Variants in STK17A observed in about 807,000 individuals in gnomAD.
The protein encoded by STK17A is serine/threonine kinase 17a.
In STK17A, 26 loss-of-function variants were observed where a neutral mutation model predicts 43.7. The observed-to-expected ratio is 0.60, with a 90% confidence interval of 0.44 to 0.83. The LOEUF is 0.83. Ranked by LOEUF, STK17A falls within the 40% of genes least tolerant of loss-of-function variation. The pLI is 0.00. For missense variants in STK17A, 476 were observed against 511.6 expected, an observed-to-expected ratio of 0.93 and a Z score of 0.67; for synonymous variants, 191 against 182.5, an observed-to-expected ratio of 1.05 and a Z score of -0.38.
At position 43,624,948 on chromosome 7, in the gene STK17A, C is replaced by A. The variant is rs2084340641; in HGVS notation, c.*106C>A. ...TGTACTGGAAGTGGATAACCAGTATCACTTACACAAACAAAAATAACTTTG... is the reference window on the plus strand; with the variant it reads ...TGTACTGGAAGTGGATAACCAGTATAACTTACACAAACAAAAATAACTTTG... On this transcript the variant is annotated 3_prime_UTR_variant, in exon 7 of 7. Coordinates refer to ENST00000319357, the MANE Select transcript of STK17A (RefSeq NM_004760.3). 9.9e-7 allele frequency: 1 copy of A among 1,007,020 alleles called. No homozygotes were observed. Among genetic ancestry groups the A allele is most frequent in the Non-Finnish European group, 1.4e-6 (1 of 714,802 alleles). 62.4% of individuals were successfully genotyped at this position (1,007,020 alleles called of 1,614,324 possible).
chr7:43,592,053 CAATTA>C (rs1461085524), intron 1 of STK17A, among the ~76,000 whole-genome samples: 1 of 151,482 alleles, frequency 6.6e-6, no homozygotes, highest in Non-Finnish European at 1.5e-5. Flanking sequence ...TGTTTGCTGC[CAATTA>C]TATGTTGAGA....
At chr7:43,599,203 G>A (rs548666448) in intron 2 of STK17A, among the ~76,000 whole-genome samples, 26 of 152,306 alleles carry the variant, frequency 1.7e-4, no homozygotes, top group Non-Finnish European at 3.1e-4. Flanking sequence ...AAAATAATGC[G>A]AAGATGAAAT....
rs1253603813 is a variant in STK17A at position 43,595,961 on chromosome 7, A to G, written c.267A>G (p.Ala89=). 6.8e-6 allele frequency: 11 copies of G among 1,613,998 alleles called. No homozygotes were observed. Among genetic ancestry groups the G allele is most frequent in the Non-Finnish European group, 9.3e-6 (11 of 1,179,936 alleles). ...AAGATTCTGGGAAAGAATTTGCTGCAAAGTTCATGAGAAAAAGAAGAAAAG... is the reference window on the plus strand; with the variant it reads ...AAGATTCTGGGAAAGAATTTGCTGCGAAGTTCATGAGAAAAAGAAGAAAAG... ...IKKDSGKEFA[A]KFMRKRRKGQ... The change falls in exon 2 of 7, where the codon GCA becomes GCG. Residue 89 remains alanine, a synonymous_variant. Coordinates refer to ENST00000319357, the MANE Select transcript of STK17A (RefSeq NM_004760.3).
At chr7:43,618,034 A>G (rs1376271785) in intron 3 of STK17A, among the ~76,000 whole-genome samples, 4 of 152,222 alleles carry the variant, frequency 2.6e-5, no homozygotes, top group Non-Finnish European at 4.4e-5. Flanking sequence ...TGTGATTTGT[A>G]GTGGAATGAG....
intron 2 of STK17A, among the ~76,000 whole-genome samples, chr7:43,598,626 C>T (rs1024443764): frequency 6.6e-5 from 10 of 152,262 alleles, no homozygotes; most frequent in East Asian, 1.9e-4. Context: ...TCGAAAACCT[C>T]AGTGAGTCAT....
chr7:43,597,393 AT>A (rs536609300), intron 2 of STK17A, among the ~76,000 whole-genome samples: 76 of 146,372 alleles, frequency 5.2e-4, no homozygotes, highest in South Asian at 4.3e-4. Context: ...TGTTGTTATT[AT>A]TTTTTTTTTT....
At chr7:43,596,727 G>A (rs1221866248) in intron 2 of STK17A, among the ~76,000 whole-genome samples, 1 of 152,026 alleles carries the variant, frequency 6.6e-6, no homozygotes, top group East Asian at 1.9e-4. Context: ...AATTAGCCTG[G>A]CGTGGTGGCA....
In STK17A at chr7:43,624,656, T is replaced by C. The variant is rs769584993; in HGVS notation, c.1059T>C (p.Asn353=). 1 of 1,614,132 alleles carries C rather than the reference T, an allele frequency of 6.2e-7. No individual in the cohort carries two copies. The highest frequency in any genetic ancestry group is 1.7e-5 in the Admixed American group (1 of 60,022). The change falls in exon 7 of 7, where the codon AAT becomes AAC. Residue 353 remains asparagine (N), a synonymous_variant. Coordinates refer to ENST00000319357, the MANE Select transcript of STK17A (RefSeq NM_004760.3). The stretch of plus-strand genomic sequence containing the variant: ...AAGGTCATTCTGTGCCTGAAATTAA[T>C]TCGGATACCGACAAATCAGAAACCA... ...LQEGHSVPEI[N]SDTDKSETKE... is the part of the protein sequence containing the mutation.
At chr7:43,623,980 C>T in intron 6 of STK17A, 92 bp downstream of exon 6, 1 of 915,172 alleles carries the variant, frequency 1.1e-6, no homozygotes, top group Non-Finnish European at 1.5e-6. Flanking sequence ...TGAATCTCCT[C>T]CAACCAAAAA....
At chr7:43,614,222 T>C (rs542948031) in intron 3 of STK17A, among the ~76,000 whole-genome samples, 23 of 152,310 alleles carry the variant, frequency 1.5e-4, no homozygotes, top group African/African-American at 5.5e-4. Flanking sequence ...AAGATGAAGA[T>C]ACCGAGATAA....
At chr7:43,588,154 TA>T (rs1478147807) in intron 1 of STK17A, among the ~76,000 whole-genome samples, 3 of 151,586 alleles carry the variant, frequency 2.0e-5, no homozygotes, top group Admixed American at 6.6e-5. Flanking sequence ...CCTGTTCTGA[TA>T]TTTTTTTTAA....
chr7:43,619,666 A>G lies in STK17A; in HGVS notation c.634A>G (p.Arg212Gly). The G allele has an allele frequency of 6.2e-7, 1 of 1,614,128 alleles. No homozygotes were observed. The highest frequency in any genetic ancestry group is 8.5e-7 in the Non-Finnish European group (1 of 1,179,992). The change falls in exon 4 of 7, where the codon AGA becomes GGA. Residue 212 changes from arginine to glycine, a missense_variant. Physicochemically the swap from Arg to Gly is moderately radical, Grantham distance 125. This residue lies in a region of STK17A where 320 missense variants were observed against 326.3 expected (regional missense o/e 0.98). Coordinates refer to ENST00000319357, the MANE Select transcript of STK17A (RefSeq NM_004760.3). ...DIKIVDFGLS[R>G]ILKNSEELRE... ...TAAGATTGTTGATTTTGGCCTTTCA[A>G]GAATATTGAAGAACAGTGAAGAGCT...
intron 1 of STK17A, among the ~76,000 whole-genome samples, chr7:43,593,831 T>A (rs779111627): frequency 6.6e-6 from 1 of 152,192 alleles, no homozygotes; most frequent in Non-Finnish European, 1.5e-5. Flanking sequence ...TTTATGCTGT[T>A]GATTATTCCA....
rs1292707660 is a variant in STK17A at position 43,623,746 on chromosome 7, A to G, written c.778A>G (p.Ile260Val). ...GVLTYVMLTG[I>V]SPFLGNDKQE... ...GTTAACATATGTCATGCTTACAGGA[A>G]TATCACCTTTCTTAGGCAATGATAA... Residue 260 changes from isoleucine to valine, a missense_variant, in exon 6 of 7, where the codon ATA becomes GTA. This residue lies in a region of STK17A where 46 missense variants were observed against 81.6 expected (regional missense o/e 0.56). Transcript: ENST00000319357. 6.2e-7 allele frequency: 1 copy of G among 1,606,834 alleles called. No homozygotes were observed. Among genetic ancestry groups the G allele is most frequent in the Non-Finnish European group, 8.5e-7 (1 of 1,177,634 alleles).
intron 3 of STK17A, among the ~76,000 whole-genome samples, chr7:43,609,912 T>C (rs1011434179): frequency 5.3e-5 from 8 of 152,240 alleles, no homozygotes; most frequent in Non-Finnish European, 1.0e-4. Flanking sequence ...TTAATGGCAG[T>C]GTTCTCTGAC....
rs1259219824 is a variant in STK17A at position 43,627,170 on chromosome 7, A to C, written c.*2328A>C. Among the ~76,000 whole-genome samples, 2 of 152,238 alleles carry C rather than the reference A, an allele frequency of 1.3e-5. No individual in the cohort carries two copies. Among genetic ancestry groups the C allele is most frequent in the African/African-American group, 4.8e-5 (2 of 41,452 alleles). Reference sequence around the variant, plus strand: ...TGGTGTGGTGAAACGTTGTTTATGAAATGTATAAAATGTATAAGTTTTAAT... The same window carrying C: ...TGGTGTGGTGAAACGTTGTTTATGACATGTATAAAATGTATAAGTTTTAAT... On this transcript the variant is annotated 3_prime_UTR_variant, in exon 7 of 7. Transcript: ENST00000319357.
At chr7:43,621,132 GTT>G (rs1222985393) in intron 4 of STK17A, among the ~76,000 whole-genome samples, 1 of 152,168 alleles carries the variant, frequency 6.6e-6, no homozygotes, top group Non-Finnish European at 1.5e-5. Flanking sequence ...GGCAATGATA[GTT>G]CAAAAAATAA....
intron 3 of STK17A, among the ~76,000 whole-genome samples, chr7:43,609,930 T>C (rs1313860821): frequency 6.6e-6 from 1 of 152,232 alleles, no homozygotes; most frequent in Non-Finnish European, 1.5e-5. Flanking sequence ...GACCCAGACA[T>C]GAATCAGAAT....
Position 43,625,170 on chromosome 7 carries a change from A to C in STK17A, c.*328A>C. 4.9e-6 allele frequency: 1 copy of C among 202,938 alleles called. No homozygotes were observed. Among genetic ancestry groups the C allele is most frequent in the Non-Finnish European group, 1.0e-5 (1 of 100,070 alleles). The allele number at this position is 202,938 out of a possible 1,614,324, so 12.6% of individuals were successfully genotyped here. On this transcript the variant is annotated 3_prime_UTR_variant, in exon 7 of 7. Transcript: ENST00000319357. ...CACTTTCTTTAAAAAATCCAAGTAAAAGTGCCAAAACTACACTTCTGTAAA... is the reference window on the plus strand; with the variant it reads ...CACTTTCTTTAAAAAATCCAAGTAACAGTGCCAAAACTACACTTCTGTAAA...
Sources: allele counts gnomAD v4.1 joint callset (sites outside exome capture counted in the v4.1 genomes callset), GRCh38; gene constraint gnomAD v4.1.1; regional missense constraint gnomAD v4.1.1; transcripts MANE v1.5; gene names NCBI Gene and HGNC (gene_info 2026-07-23, HGNC 2026-07-21).